Variants in NAAA observed in about 807,000 individuals in gnomAD.
The protein encoded by NAAA is N-acylethanolamine acid amidase.
In NAAA, 39 loss-of-function variants were observed where a neutral mutation model predicts 44.8. The observed-to-expected ratio is 0.87, with a 90% CI of 0.67 to 1.14. The LOEUF (loss-of-function observed/expected upper bound fraction) is 1.14. NAAA is among the 50% of genes most tolerant of loss of function. The pLI, the probability that NAAA is intolerant of heterozygous loss-of-function variation, is 0.00. For synonymous variants in NAAA, 178 were observed against 191.3 expected (o/e 0.93, Z 0.58); for missense variants, 460 against 467.8 (o/e 0.98, Z 0.15).
At chr4:75,925,871 G>A in intron 4 of NAAA, 60 bp from the exon 5 acceptor site, 1 of 1,484,082 alleles carries the variant, frequency 6.7e-7, no homozygotes, top group South Asian at 1.1e-5. Context: ...ACATGAAACA[G>A]ATATGTTATT....
At chr4:75,939,456 C>T (rs1728029815) in intron 2 of NAAA, among the ~76,000 whole-genome samples, 1 of 149,336 alleles carries the variant, frequency 6.7e-6, no homozygotes, top group African/African-American at 2.5e-5. Context: ...CGCACTGTCG[C>T]CAGGGCTGGT....
chr4:75,927,792 A>AGTC (rs1726868465), intron 4 of NAAA, among the ~76,000 whole-genome samples: 1 of 137,032 alleles, frequency 7.3e-6, no homozygotes, highest in Non-Finnish European at 1.6e-5. Context: ...GTCTCAAAAC[A>AGTC]AACAAAAAAA....
In NAAA at chr4:75,930,219, AGCTGCAC is replaced by A. The variant is rs560437492; in HGVS notation, c.589+988_589+994del. On this transcript the variant is annotated intron_variant, in intron 4 of 10. Coordinates refer to ENST00000286733, the MANE Select transcript of NAAA (RefSeq NM_014435.4). ...TTGTATATATCCTTCTCCTTGATTC[AGCTGCAC>A]GCTGAGGACAGACACAGAGCTCACT... Among the ~76,000 whole-genome samples, 1,396 of 152,298 alleles carry A rather than the reference AGCTGCAC, an allele frequency of 9.2e-3. 6 individuals are homozygous for A. Among genetic ancestry groups the A allele is most frequent in the Middle Eastern group, 0.024 (7 of 294 alleles).
At chr4:75,918,865 G>C in intron 8 of NAAA, 76 bp from the exon 9 acceptor site, 1 of 1,378,464 alleles carries the variant, frequency 7.3e-7, no homozygotes, top group Non-Finnish European at 1.0e-6. Flanking sequence ...ATGGAGGGCC[G>C]GGTGCAGTGG....
At position 75,919,892 on chromosome 4, in the gene NAAA, A is replaced by G. The variant is rs1191957124; in HGVS notation, c.969+17T>C. On this transcript the variant is annotated intron_variant, in intron 8 of 10. Coordinates refer to ENST00000286733, the MANE Select transcript of NAAA (RefSeq NM_014435.4). ...ACCAAACATCCTAGGTATGCAGGAC[A>G]CTGTGACACAAGTTACCTGGAAAAG... 6.2e-7 allele frequency: 1 copy of G among 1,603,774 alleles called. No homozygotes were observed. The highest frequency in any genetic ancestry group is 1.3e-5 in the African/African-American group (1 of 74,784).
intron 5 of NAAA, among the ~76,000 whole-genome samples, chr4:75,923,544 CTTT>C (rs980320858): frequency 7.0e-6 from 1 of 142,986 alleles, no homozygotes. Context: ...CTTCTTTTTT[CTTT>C]TTTTTTTTTT....
chr4:75,911,829 A>C (rs1487607472), downstream of NAAA, among the ~76,000 whole-genome samples: 4 of 152,196 alleles, frequency 2.6e-5, no homozygotes, highest in Admixed American at 2.6e-4. Flanking sequence ...TTCTTCCCAT[A>C]ATCCTAATCT....
chr4:75,940,294 AC>A, intron 1 of NAAA, 129 bp from the exon 2 acceptor site: 6 of 839,242 alleles, frequency 7.1e-6, no homozygotes, highest in Non-Finnish European at 8.3e-6. Flanking sequence ...CAGTCAGTGG[AC>A]CGCCCAGGCG....
At chr4:75,935,993 T>C (rs1182676514) in intron 3 of NAAA, 116 bp downstream of exon 3, 3 of 1,210,126 alleles carry the variant, frequency 2.5e-6, no homozygotes, top group Non-Finnish European at 3.5e-6. Flanking sequence ...TCCAGGGGTG[T>C]GATTTTTTTG....
chr4:75,932,132 G>A (rs2149275613), intron 3 of NAAA, among the ~76,000 whole-genome samples: 1 of 152,314 alleles, frequency 6.6e-6, no homozygotes, highest in African/African-American at 2.4e-5. Context: ...GGGAGGCTGA[G>A]GCAGGAGAAT....
At chr4:75,938,293 A>G (rs1727908839) in intron 2 of NAAA, among the ~76,000 whole-genome samples, 1 of 152,252 alleles carries the variant, frequency 6.6e-6, no homozygotes, top group South Asian at 2.1e-4. Context: ...TAAATACCTT[A>G]GTATCAAATC....
intron 5 of NAAA, among the ~76,000 whole-genome samples, chr4:75,923,326 G>A (rs1342072984): frequency 6.6e-6 from 1 of 152,126 alleles, no homozygotes; most frequent in African/African-American, 2.4e-5. Context: ...GGCAGATAGT[G>A]AGGGTAGAAG....
intron 4 of NAAA, among the ~76,000 whole-genome samples, chr4:75,927,733 A>G (rs7670521): frequency 0.29 from 43,647 of 148,386 alleles, 6,607 homozygotes; most frequent in East Asian, 0.42. Flanking sequence ...TAGATTGTGC[A>G]CACATGATCG....
intron 5 of NAAA, among the ~76,000 whole-genome samples, chr4:75,924,753 CTCT>C (rs2149260172): frequency 6.6e-6 from 1 of 152,348 alleles, no homozygotes; most frequent in South Asian, 2.1e-4. Context: ...CTTAACCAAA[CTCT>C]AGCCAGGCTC....
chr4:75,940,189 G>A (rs1038755653), intron 1 of NAAA, 24 bp from the exon 2 acceptor site: 2 of 1,605,784 alleles, frequency 1.2e-6, no homozygotes, highest in Admixed American at 1.7e-5. Context: ...GCACAAGGGC[G>A]TCTGACCCGC....
At chr4:75,935,390 A>G (rs1727618755) in intron 3 of NAAA, 1 of 152,214 alleles carries the variant, frequency 6.6e-6, no homozygotes, top group Admixed American at 6.6e-5. Flanking sequence ...TACTCAATGA[A>G]CATTGATTAA....
chr4:75,914,145 T>C lies in NAAA; in HGVS notation c.*230A>G. On this transcript the variant is annotated 3_prime_UTR_variant, in exon 11 of 11. Coordinates refer to ENST00000286733, the MANE Select transcript of NAAA (RefSeq NM_014435.4). Reference sequence around the variant, plus strand: ...GCTTAGAGAGGATCGAGGCAAACCATGAAGGGAAGGGAATGCAGGACAATG... The same window carrying C: ...GCTTAGAGAGGATCGAGGCAAACCACGAAGGGAAGGGAATGCAGGACAATG... 5 of 985,604 alleles carry C rather than the reference T, an allele frequency of 5.1e-6. No individual in the cohort carries two copies. The highest frequency in any genetic ancestry group is 6.0e-6 in the Non-Finnish European group (5 of 829,940). 61.1% of individuals were successfully genotyped at this position (985,604 alleles called of 1,614,324 possible).
At chr4:75,920,855 G>A (rs984483340) in intron 6 of NAAA, 55 bp from the exon 7 acceptor site, 9 of 1,613,158 alleles carry the variant, frequency 5.6e-6, no homozygotes, top group Non-Finnish European at 6.8e-6. Context: ...ACATAGCAGA[G>A]GAGACATATG....
intron 1 of NAAA, 46 bp downstream of exon 1, chr4:75,940,698 C>G (rs781771266): frequency 1.3e-6 from 2 of 1,560,226 alleles, no homozygotes; most frequent in Non-Finnish European, 8.6e-7. Flanking sequence ...GACTCCGACC[C>G]GCAGGGCCGG....
Sources: gnomAD v4.1 joint callset for allele counts (sites outside exome capture counted in the v4.1 genomes callset) on GRCh38, gnomAD v4.1.1 for gene constraint, MANE v1.5 for transcripts, NCBI Gene and HGNC (gene_info 2026-07-23, HGNC 2026-07-21) for gene names.